The following NBAS variants were observed in gnomAD, a reference collection of about 807,000 sequenced individuals.
The protein encoded by NBAS is NAG/BC035112 fusion.
In NBAS, 219 loss-of-function variants were observed where a neutral mutation model predicts 302.5. The ratio of observed to expected loss-of-function variants is 0.72; its 90% CI spans 0.65 to 0.81. The LOEUF (loss-of-function observed/expected upper bound fraction) is 0.81, where lower values mean the gene tolerates loss of function less well. NBAS is among the 30% of genes least tolerant of loss of function. The pLI, the probability that NBAS is intolerant of heterozygous loss-of-function variation, is 0.00. For missense variants in NBAS, 2,932 were observed against 2,841.6 expected, an observed-to-expected ratio of 1.03 and a Z score of -0.72; for synonymous variants, 1,118 against 1,021.6, an observed-to-expected ratio of 1.09 and a Z score of -1.80.
intron 35 of NBAS, among the ~76,000 whole-genome samples, chr2:15,346,310 C>CA (rs996532249): frequency 3.0e-4 from 46 of 150,954 alleles, no homozygotes; most frequent in Admixed American, 4.0e-4. Flanking sequence ...AAATTTACAA[C>CA]AAAAAAAACA....
the NBAS span, among the ~76,000 whole-genome samples, chr2:15,100,858 C>T: frequency 0.011 from 1,735 of 152,246 alleles, 33 homozygotes; most frequent in African/African-American, 0.04. Flanking sequence ...CACACATGCA[C>T]ACTTAAACGG....
chr2:15,025,709 T>C, the NBAS span, among the ~76,000 whole-genome samples: 2 of 152,186 alleles, frequency 1.3e-5, no homozygotes, highest in Non-Finnish European at 2.9e-5. Flanking sequence ...CCAGGTATTT[T>C]ACTCATTTTG....
the NBAS span, among the ~76,000 whole-genome samples, chr2:15,108,419 C>A: frequency 6.6e-6 from 1 of 152,040 alleles, no homozygotes; most frequent in Non-Finnish European, 1.5e-5. Flanking sequence ...TCTCTCTCAC[C>A]CCAAAACTTT....
intron 21 of NBAS, among the ~76,000 whole-genome samples, chr2:15,439,505 A>T (rs1678227352): frequency 6.6e-6 from 1 of 151,720 alleles, no homozygotes; most frequent in Admixed American, 6.6e-5. Context: ...TCTTGAGGGG[A>T]GGAGCCAAGA....
intron 44 of NBAS, among the ~76,000 whole-genome samples, chr2:15,247,427 A>G (rs940613840): frequency 1.3e-5 from 2 of 152,212 alleles, no homozygotes; most frequent in African/African-American, 4.8e-5. Flanking sequence ...CCCCAATTAA[A>G]TGACACAGAC....
At chr2:15,487,851 G>T (rs1680697296) in intron 12 of NBAS, among the ~76,000 whole-genome samples, 1 of 152,156 alleles carries the variant, frequency 6.6e-6, no homozygotes, top group South Asian at 2.1e-4. Flanking sequence ...ATCCAATAAG[G>T]GAGAAAGAGT....
chr2:15,097,946 ATTG>A, the NBAS span, among the ~76,000 whole-genome samples: 1 of 112,138 alleles, frequency 8.9e-6, no homozygotes, highest in African/African-American at 3.4e-5. Context: ...TATATATTAT[ATTG>A]TATATAATAT....
intron 12 of NBAS, among the ~76,000 whole-genome samples, chr2:15,482,364 C>T (rs952755659): frequency 6.6e-6 from 1 of 152,148 alleles, no homozygotes; most frequent in Non-Finnish European, 1.5e-5. Flanking sequence ...CAATTCCACC[C>T]ACCTAGGGCT....
intron 47 of NBAS, among the ~76,000 whole-genome samples, chr2:15,222,609 G>A (rs1468097505): frequency 6.6e-6 from 1 of 152,146 alleles, no homozygotes; most frequent in Non-Finnish European, 1.5e-5. Context: ...CCAATTTGTA[G>A]ATGAGGTAAC....
intron 50 of NBAS, among the ~76,000 whole-genome samples, chr2:15,182,467 G>C (rs1407463057): frequency 2.0e-5 from 3 of 152,158 alleles, no homozygotes; most frequent in Non-Finnish European, 4.4e-5. Flanking sequence ...AACCCTGATA[G>C]AGAACAATCA....
At chr2:14,904,570 AGC>A in the NBAS span, among the ~76,000 whole-genome samples, 31,664 of 150,220 alleles carry the variant, frequency 0.21, 4,003 homozygotes, top group Non-Finnish European at 0.25. Flanking sequence ...TGTCACAGTC[AGC>A]TGTGACTCAG....
the NBAS span, among the ~76,000 whole-genome samples, chr2:14,825,940 T>C: frequency 6.6e-6 from 1 of 152,128 alleles, no homozygotes; most frequent in South Asian, 2.1e-4. Context: ...GTGAGCAGGA[T>C]GTGTTGGGGG....
chr2:14,826,045 CTG>C, the NBAS span, among the ~76,000 whole-genome samples: 2 of 152,156 alleles, frequency 1.3e-5, no homozygotes, highest in African/African-American at 2.4e-5. Context: ...CCATAAGTAA[CTG>C]TGTGAAGTAA....
rs765998554 is a variant in NBAS, at chr2:15,327,730, A to C, written c.4582+20T>G. The C allele has an allele frequency of 1.4e-5, 23 of 1,613,374 alleles. No individual in the cohort carries two copies. The highest frequency in any genetic ancestry group is 1.9e-5 in the Non-Finnish European group (22 of 1,179,472). Reference sequence around the variant, plus strand: ...ACCTAGAGTTACACACTGTCAAGGGACTAGAACCTTCTCTCTTACCTTCAG... The same window carrying C: ...ACCTAGAGTTACACACTGTCAAGGGCCTAGAACCTTCTCTCTTACCTTCAG... On this transcript the variant is annotated intron_variant, in intron 38 of 51. Coordinates refer to ENST00000281513, the MANE Select transcript of NBAS (RefSeq NM_015909.4).
At chr2:15,188,961 G>A (rs913645370) in intron 49 of NBAS, among the ~76,000 whole-genome samples, 1 of 152,128 alleles carries the variant, frequency 6.6e-6, no homozygotes, top group African/African-American at 2.4e-5. Context: ...GTCTCACCCA[G>A]GAGTGTGTTC....
chr2:15,001,427 T>C, the NBAS span, among the ~76,000 whole-genome samples: 1 of 152,164 alleles, frequency 6.6e-6, no homozygotes, highest in Admixed American at 6.5e-5. Flanking sequence ...ATGTAAGATA[T>C]TAGACTTATT....
the NBAS span, among the ~76,000 whole-genome samples, chr2:14,817,480 C>T: frequency 6.6e-6 from 1 of 152,196 alleles, no homozygotes; most frequent in Admixed American, 6.5e-5. Context: ...GAACAGGCTC[C>T]TGTTTATCTT....
the NBAS span, among the ~76,000 whole-genome samples, chr2:14,876,108 C>T: frequency 2.0e-4 from 31 of 152,240 alleles, no homozygotes; most frequent in South Asian, 4.2e-4. Flanking sequence ...CAATGGATTG[C>T]GCTGTTTTTT....
the NBAS span, among the ~76,000 whole-genome samples, chr2:14,902,945 G>T: frequency 6.6e-6 from 1 of 152,250 alleles, no homozygotes; most frequent in Non-Finnish European, 1.5e-5. Context: ...GCAGTCACAT[G>T]GGTAAGCCCA....
Sources: gnomAD v4.1 joint callset for allele counts (sites outside exome capture counted in the v4.1 genomes callset) on GRCh38, gnomAD v4.1.1 for gene constraint, MANE v1.5 for transcripts, NCBI Gene and HGNC (gene_info 2026-07-23, HGNC 2026-07-21) for gene names.